The following ANKS1B variants were observed in gnomAD, a reference collection of about 807,000 sequenced individuals.
The protein encoded by ANKS1B is ankyrin repeat and sterile alpha motif domain containing 1B.
Under a neutral mutation model 148.3 loss-of-function variants are expected in ANKS1B, and 36 were observed. That is an observed-to-expected ratio of 0.24 (90% confidence interval 0.19 to 0.32). The LOEUF (loss-of-function observed/expected upper bound fraction) is 0.32. Among genes scored for constraint, ANKS1B ranks in the 10% least tolerant of loss-of-function variants. The pLI is 1.00. For missense variants in ANKS1B, 1,157 were observed against 1,542.6 expected (o/e 0.75, Z 4.19); for synonymous variants, 542 against 560.8 (o/e 0.97, Z 0.47).
intron 9 of ANKS1B, among the ~76,000 whole-genome samples, chr12:99,530,904 C>A (rs1020853857): frequency 6.6e-6 from 1 of 152,118 alleles, no homozygotes; most frequent in Non-Finnish European, 1.5e-5. Context: ...GCTTTCAAAG[C>A]CTCTCCAAGG....
chr12:99,830,209 C>G (rs2083750904), intron 1 of ANKS1B, among the ~76,000 whole-genome samples: 1 of 152,156 alleles, frequency 6.6e-6, no homozygotes, highest in Non-Finnish European at 1.5e-5. Context: ...CTCCAAAGAG[C>G]TGACAATCTA....
chr12:99,326,113 G>A (rs1020428770), intron 12 of ANKS1B, among the ~76,000 whole-genome samples: 2 of 151,978 alleles, frequency 1.3e-5, no homozygotes, highest in African/African-American at 2.4e-5. Context: ...TTGCTCCCAC[G>A]ATTCAATTAC....
intron 19 of ANKS1B, among the ~76,000 whole-genome samples, chr12:98,813,020 G>T (rs751313641): frequency 3.4e-4 from 51 of 152,126 alleles, no homozygotes; most frequent in Admixed American, 9.8e-4. Flanking sequence ...ATTATACTGA[G>T]TGCTGGAATT....
intron 9 of ANKS1B, among the ~76,000 whole-genome samples, chr12:99,578,676 A>C (rs1253175363): frequency 6.6e-6 from 1 of 152,124 alleles, no homozygotes; most frequent in East Asian, 1.9e-4. Context: ...AGAATTACAA[A>C]CACTGCTGAA....
At chr12:98,742,165 C>T (rs2097803442), downstream of ANKS1B, among the ~76,000 whole-genome samples, 1 of 152,240 alleles carries the variant, frequency 6.6e-6, no homozygotes, top group Non-Finnish European at 1.5e-5. Flanking sequence ...TACCCGCGCT[C>T]CTCCACTGTC....
chr12:99,113,324 C>A (rs989169198), intron 15 of ANKS1B, among the ~76,000 whole-genome samples: 6 of 152,086 alleles, frequency 3.9e-5, no homozygotes, highest in Non-Finnish European at 8.8e-5. Context: ...CCAGACTCTG[C>A]CGTTTGATAT....
intron 17 of ANKS1B, among the ~76,000 whole-genome samples, chr12:98,884,486 A>C (rs1347982766): frequency 6.6e-6 from 1 of 152,190 alleles, no homozygotes; most frequent in Admixed American, 6.5e-5. Context: ...GGTCTCATCT[A>C]GGCACGTGGC....
intron 17 of ANKS1B, among the ~76,000 whole-genome samples, chr12:98,866,812 T>C (rs532041378): frequency 2.0e-5 from 3 of 152,336 alleles, no homozygotes; most frequent in Admixed American, 2.0e-4. Context: ...TACCCTCCAC[T>C]ATGCTTCCAC....
At chr12:99,899,711 T>C (rs1224032099) in intron 1 of ANKS1B, among the ~76,000 whole-genome samples, 1 of 152,160 alleles carries the variant, frequency 6.6e-6, no homozygotes, top group East Asian at 1.9e-4. Context: ...ACAAAGCAGC[T>C]AAACTAGCTT....
In ANKS1B at chr12:98,901,835, A is replaced by G. The variant is rs561513659; in HGVS notation, c.2779-69699T>C. Among the ~76,000 whole-genome samples, 4 of 152,108 alleles carry G rather than the reference A, an allele frequency of 2.6e-5. No homozygotes were observed. The South Asian group carries it at 8.3e-4, about 31-fold the overall frequency. ...AGACATGTGTGGCTATTGGTGGTGAATGTCCACCACAGAAGCAGCGTGGCT... is the reference window on the plus strand; with the variant it reads ...AGACATGTGTGGCTATTGGTGGTGAGTGTCCACCACAGAAGCAGCGTGGCT... On this transcript the variant is annotated intron_variant, in intron 17 of 26. Coordinates refer to ENST00000683438, the MANE Select transcript of ANKS1B (RefSeq NM_001352186.2).
At chr12:99,482,519 T>C (rs1262959819) in intron 10 of ANKS1B, among the ~76,000 whole-genome samples, 1 of 152,096 alleles carries the variant, frequency 6.6e-6, no homozygotes, top group African/African-American at 2.4e-5. Flanking sequence ...GGGCTCCTTT[T>C]GTGGTTCCAT....
chr12:99,441,594 C>T (rs954716128), intron 11 of ANKS1B, among the ~76,000 whole-genome samples: 17 of 151,798 alleles, frequency 1.1e-4, no homozygotes, highest in African/African-American at 3.9e-4. Flanking sequence ...AGATATATAG[C>T]TGTTATTGTT....
intron 8 of ANKS1B, among the ~76,000 whole-genome samples, chr12:99,716,530 CT>C (rs2057358923): frequency 6.6e-6 from 1 of 152,090 alleles, no homozygotes; most frequent in Non-Finnish European, 1.5e-5. Flanking sequence ...ACCTAAATGC[CT>C]TATTTTCTTC....
At chr12:99,315,037 G>A (rs1479434910) in intron 12 of ANKS1B, among the ~76,000 whole-genome samples, 2 of 151,964 alleles carry the variant, frequency 1.3e-5, no homozygotes, top group African/African-American at 4.8e-5. Flanking sequence ...GAGGTCAAGA[G>A]ATCAAGACCA....
chr12:99,272,259 G>C (rs1389897537), intron 12 of ANKS1B, among the ~76,000 whole-genome samples: 1 of 152,130 alleles, frequency 6.6e-6, no homozygotes, highest in African/African-American at 2.4e-5. Context: ...AGCTAACCCA[G>C]GGATTACATC....
intron 9 of ANKS1B, among the ~76,000 whole-genome samples, chr12:99,579,772 A>G (rs2097552645): frequency 6.6e-6 from 1 of 152,202 alleles, no homozygotes; most frequent in Non-Finnish European, 1.5e-5. Flanking sequence ...TAGTCCACCC[A>G]TAGCAGAAAG....
intron 15 of ANKS1B, among the ~76,000 whole-genome samples, chr12:99,115,320 G>C (rs1243302418): frequency 6.6e-6 from 1 of 152,150 alleles, no homozygotes. Context: ...TCTTTTGTGG[G>C]AACATGATGG....
intron 17 of ANKS1B, among the ~76,000 whole-genome samples, chr12:98,901,327 C>T (rs1358131543): frequency 6.6e-6 from 1 of 152,182 alleles, no homozygotes; most frequent in African/African-American, 2.4e-5. Context: ...GGTGGATTAT[C>T]TTCAATGAGG....
chr12:99,860,624 A>G (rs532284860), intron 1 of ANKS1B, among the ~76,000 whole-genome samples: 1 of 152,348 alleles, frequency 6.6e-6, no homozygotes, highest in African/African-American at 2.4e-5. Context: ...AGTTAGGTGC[A>G]TCCCTAAACA....
Sources: allele counts gnomAD v4.1 joint callset (sites outside exome capture counted in the v4.1 genomes callset), GRCh38; gene constraint gnomAD v4.1.1; transcripts MANE v1.5; gene names NCBI Gene and HGNC (gene_info 2026-07-23, HGNC 2026-07-21).